The following SLC44A1 variants were observed in gnomAD, a reference collection of about 807,000 sequenced individuals.
SLC44A1 encodes choline transporter-like protein 1.
SLC44A1 carries 26 observed loss-of-function variants against 79.3 expected under a neutral mutation model. The ratio of observed to expected loss-of-function variants is 0.33; its 90% confidence interval spans 0.24 to 0.46. SLC44A1 has a LOEUF of 0.46. SLC44A1 is among the 20% of genes least tolerant of loss of function. The pLI is 1.00. For missense variants in SLC44A1, 688 were observed against 798.1 expected, an observed-to-expected ratio of 0.86 and a Z score of 1.66; for synonymous variants, 263 against 286.2, an observed-to-expected ratio of 0.92 and a Z score of 0.82.
chr9:105,398,455 A>C (rs1828914818), downstream of SLC44A1, among the ~76,000 whole-genome samples: 1 of 152,056 alleles, frequency 6.6e-6, no homozygotes, highest in Non-Finnish European at 1.5e-5. Context: ...TCTTTTTTTG[A>C]GTGGTTCTGA....
chr9:105,286,108 A>T (rs746891803), intron 1 of SLC44A1, among the ~76,000 whole-genome samples: 75 of 152,248 alleles, frequency 4.9e-4, no homozygotes, highest in Non-Finnish European at 9.1e-4. Context: ...CTCAAAAAAA[A>T]TTTTTTATTT....
At chr9:105,250,008 A>G (rs958511052) in intron 1 of SLC44A1, among the ~76,000 whole-genome samples, 57 of 150,920 alleles carry the variant, frequency 3.8e-4, no homozygotes, top group African/African-American at 7.8e-4. Flanking sequence ...AGCTGAGACT[A>G]TAGGCACGAG....
At chr9:105,423,086 CTT>C (rs1829275203) in intron 15 of SLC44A1, among the ~76,000 whole-genome samples, 1 of 152,174 alleles carries the variant, frequency 6.6e-6, no homozygotes, top group African/African-American at 2.4e-5. Flanking sequence ...GAAATCTACT[CTT>C]ATGTTAACAG....
intron 15 of SLC44A1, among the ~76,000 whole-genome samples, chr9:105,426,994 G>A (rs1829330829): frequency 6.6e-6 from 1 of 150,962 alleles, no homozygotes; most frequent in South Asian, 2.1e-4. Flanking sequence ...GGAGTACAGT[G>A]GTGCGATCAT....
Position 105,366,377 on chromosome 9 carries a change from C to G in SLC44A1, c.1442C>G (p.Ser481Cys), listed in dbSNP as rs909002054. 3.3e-6 allele frequency: 5 copies of G among 1,530,744 alleles called. No homozygotes were observed. In the African/African-American group the frequency reaches 4.2e-5, roughly 13 times the overall value. The allele number at this position is 1,530,744 out of a possible 1,614,324, so 94.8% of individuals were successfully genotyped here. Residue 481 changes from serine to cysteine, a missense_variant, in exon 12 of 16, where the codon TCT becomes TGT. Ser to Cys is a moderately radical substitution (Grantham distance 112). Coordinates refer to ENST00000374720, the MANE Select transcript of SLC44A1 (RefSeq NM_080546.5). The stretch of plus-strand genomic sequence containing the variant: ...GCTTGTGCACGATGTGTGCTGAAAT[C>G]TTGCATTTGTTGCCTTTGGTGTCTT... ...ENACARCVLK[S>C]CICCLWCLEK...
At chr9:105,373,931 A>G (rs903934265) in intron 12 of SLC44A1, among the ~76,000 whole-genome samples, 3 of 152,184 alleles carry the variant, frequency 2.0e-5, no homozygotes, top group African/African-American at 7.2e-5. Context: ...GCCAGTAGGT[A>G]TAGTATGCTA....
At chr9:105,274,236 A>C (rs552813503) in intron 1 of SLC44A1, among the ~76,000 whole-genome samples, 1 of 152,258 alleles carries the variant, frequency 6.6e-6, no homozygotes, top group African/African-American at 2.4e-5. Flanking sequence ...TTCCGCTTTG[A>C]TTCTATTTTG....
chr9:105,416,619 A>G (rs1829175020), intron 15 of SLC44A1, among the ~76,000 whole-genome samples: 1 of 152,198 alleles, frequency 6.6e-6, no homozygotes, highest in Non-Finnish European at 1.5e-5. Flanking sequence ...AAAGGTGTGA[A>G]ATAGCATTTG....
intron 4 of SLC44A1, among the ~76,000 whole-genome samples, chr9:105,346,670 A>G (rs1827255732): frequency 6.6e-6 from 1 of 152,122 alleles, no homozygotes; most frequent in Non-Finnish European, 1.5e-5. Context: ...CTATAAATGT[A>G]ATCTAGTGGC....
At chr9:105,420,785 C>T (rs528570082) in intron 15 of SLC44A1, among the ~76,000 whole-genome samples, 176 of 142,110 alleles carry the variant, frequency 1.2e-3, no homozygotes, top group South Asian at 1.4e-3. Context: ...CACTTGAACC[C>T]GGGAGGCGGA....
intron 13 of SLC44A1, among the ~76,000 whole-genome samples, chr9:105,375,127 C>T (rs566140323): frequency 7.2e-5 from 11 of 152,282 alleles, no homozygotes; most frequent in African/African-American, 2.6e-4. Context: ...CTGCAACCTC[C>T]GCCTCCTGGG....
chr9:105,336,081 TAA>T (rs948219251), intron 4 of SLC44A1, among the ~76,000 whole-genome samples: 4 of 152,072 alleles, frequency 2.6e-5, no homozygotes, highest in East Asian at 3.8e-4. Context: ...AAAATTGAAA[TAA>T]GTTTTATATG....
intron 3 of SLC44A1, among the ~76,000 whole-genome samples, chr9:105,332,277 A>G (rs10820800): frequency 0.13 from 20,343 of 151,448 alleles, 2,746 homozygotes; most frequent in African/African-American, 0.35. Flanking sequence ...CTGCCACCAC[A>G]CTCAGCTAAT....
At chr9:105,299,195 T>A in intron 1 of SLC44A1, 25 bp from the exon 2 acceptor site, 1 of 1,538,514 alleles carries the variant, frequency 6.5e-7, no homozygotes, top group Non-Finnish European at 8.9e-7. Context: ...CATTTAACAC[T>A]CTCTTATTTT....
rs71364084 is a variant in SLC44A1, at chr9:105,324,425, A to AT, written c.270-11130dup. On this transcript the variant is annotated intron_variant, in intron 3 of 15. Transcript: ENST00000374720. The stretch of plus-strand genomic sequence containing the variant: ...GCCACCACACCTGGCCAATTTTTGT[A>AT]TTTTTTTTGTAGAGATGGGGTTTCA... 1.5e-4 allele frequency among the ~76,000 whole-genome samples: 23 copies of AT among 150,246 alleles called. 1 individual carries two copies. The East Asian group carries it at 2.6e-3, about 17-fold the overall frequency.
intron 2 of SLC44A1, among the ~76,000 whole-genome samples, chr9:105,303,179 G>T (rs921826327): frequency 1.1e-4 from 16 of 151,918 alleles, no homozygotes; most frequent in Non-Finnish European, 2.2e-4. Context: ...GATAAATAAA[G>T]CACCACTTTA....
At chr9:105,338,964 T>C (rs1827005979) in intron 4 of SLC44A1, among the ~76,000 whole-genome samples, 1 of 152,144 alleles carries the variant, frequency 6.6e-6, no homozygotes, top group Non-Finnish European at 1.5e-5. Context: ...AGAGCCTAAA[T>C]GTAAGAGCTA....
chr9:105,365,350 A>G (rs1827906193), intron 10 of SLC44A1, 133 bp from the exon 11 acceptor site: 1 of 643,994 alleles, frequency 1.6e-6, no homozygotes, highest in Non-Finnish European at 2.7e-6. Flanking sequence ...TCACTTGGCC[A>G]TTTTGTCATA....
At chr9:105,282,240 CTT>C (rs71501464) in intron 1 of SLC44A1, among the ~76,000 whole-genome samples, 23,094 of 137,836 alleles carry the variant, frequency 0.17, 2,521 homozygotes, top group African/African-American at 0.32. Flanking sequence ...TTCTTGGTTG[CTT>C]TTTTTTTTTT....
Sources: gnomAD v4.1 joint callset for allele counts (sites outside exome capture counted in the v4.1 genomes callset) on GRCh38, gnomAD v4.1.1 for gene constraint, MANE v1.5 for transcripts, NCBI Gene and HGNC (gene_info 2026-07-23, HGNC 2026-07-21) for gene names.